Variants in PLCH2 observed in about 807,000 individuals in gnomAD.
PLCH2 encodes phospholipase C eta 2.
In PLCH2, 98 loss-of-function variants were observed where a neutral mutation model predicts 134.7. That is an observed-to-expected ratio of 0.73 (90% CI 0.62 to 0.86). The LOEUF (loss-of-function observed/expected upper bound fraction) is 0.86. PLCH2 is among the 40% of genes least tolerant of loss of function. PLCH2 has a pLI of 0.00. For synonymous variants in PLCH2, 974 were observed against 827.5 expected, an observed-to-expected ratio of 1.18 and a Z score of -3.04; for missense variants, 1,994 against 1,986.6, an observed-to-expected ratio of 1.00 and a Z score of -0.07.
intron 10 of PLCH2, 55 bp downstream of exon 10, chr1:2,489,922 A>T: frequency 7.9e-7 from 1 of 1,259,864 alleles, no homozygotes; most frequent in Non-Finnish European, 1.2e-6. Flanking sequence ...TCCCAAGAAC[A>T]GCTGTCCGTC....
intron 13 of PLCH2, 50 bp from the exon 14 acceptor site, chr1:2,496,557 C>G (rs747621868): frequency 1.3e-6 from 2 of 1,484,936 alleles, no homozygotes; most frequent in Non-Finnish European, 1.8e-6. Context: ...GAGCTGGGTG[C>G]CAGGCTGGCC....
upstream of PLCH2, chr1:2,467,413 C>A (rs1045171719): frequency 3.2e-4 from 125 of 386,290 alleles, no homozygotes; most frequent in Non-Finnish European, 7.7e-5. Flanking sequence ...GGGGCGGTCC[C>A]AGCGGCGGCC....
At position 2,448,734 on chromosome 1, in the gene PLCH2, C is replaced by T. The variant is rs1309422280; in HGVS notation, c.115+18105C>T. 2.6e-5 allele frequency among the ~76,000 whole-genome samples: 4 copies of T among 152,004 alleles called. No homozygotes were observed. The highest frequency in any genetic ancestry group is 9.7e-5 in the African/African-American group (4 of 41,378). ...AGCCTCCTGGCTCCCCACCATCCCC[C>T]CTGGTGCAGCCTCCTGGCTCCCCAC... is the stretch of plus-strand genomic sequence containing the variant. On this transcript the variant is annotated intron_variant, in intron 2 of 3. Transcript: ENST00000609981. The surrounding 1 kb of genome is among the most constrained non-coding windows in gnomAD (Gnocchi z 4.0).
At chr1:2,460,143 G>C (rs116385750) in intron 2 of PLCH2, among the ~76,000 whole-genome samples, 1 of 152,232 alleles carries the variant, frequency 6.6e-6, no homozygotes, top group Non-Finnish European at 1.5e-5. Flanking sequence ...GGAGGGGCCC[G>C]TGCCCCCATG....
intron 12 of PLCH2, 131 bp from the exon 13 acceptor site, chr1:2,495,357 C>A (rs1260277656): frequency 1.4e-5 from 10 of 706,948 alleles, no homozygotes; most frequent in Non-Finnish European, 2.4e-5. Flanking sequence ...CCCAGCCAGG[C>A]GGGATGGACA....
chr1:2,483,964 G>C (rs190789586), intron 4 of PLCH2, among the ~76,000 whole-genome samples: 2 of 106,270 alleles, frequency 1.9e-5, no homozygotes, highest in African/African-American at 4.1e-5. Flanking sequence ...CTCCCGTGTG[G>C]GGGGGCGCTG....
intron 9 of PLCH2, 65 bp downstream of exon 9, chr1:2,489,443 G>A: frequency 1.3e-6 from 2 of 1,531,678 alleles, no homozygotes; most frequent in Non-Finnish European, 1.8e-6. Flanking sequence ...GCAGTGCCCT[G>A]CTCCAGACAG....
rs560811127 is a variant in PLCH2, at chr1:2,495,414, C to T, written c.1753-74C>T. 50 of 1,322,228 alleles carry T rather than the reference C, an allele frequency of 3.8e-5. 4 individuals are homozygous for T. The South Asian group carries it at 5.8e-4, about 15-fold the overall frequency. 81.9% of individuals were successfully genotyped at this position (1,322,228 alleles called of 1,614,324 possible). The stretch of plus-strand genomic sequence containing the variant: ...GGGGACCCCGGAGGATAGGCCCTCC[C>T]CAACCCCCCAGCCTTCGCCAAGGCC... On this transcript the variant is annotated intron_variant, in intron 12 of 21. Transcript: ENST00000378486.
Position 2,504,095 on chromosome 1 carries a change from CT to C in PLCH2, c.3134del (p.Leu1045GlnfsTer46), listed in dbSNP as rs1332384030. 2.6e-6 allele frequency: 4 copies of C among 1,536,870 alleles called. No homozygotes were observed. The highest frequency in any genetic ancestry group is 1.4e-5 in the African/African-American group (1 of 72,214). On this transcript the variant is annotated frameshift_variant, in exon 22 of 22. Coordinates refer to ENST00000378486, the MANE Select transcript of PLCH2 (RefSeq NM_014638.4). LOFTEE classifies it high-confidence loss of function. ...TGPGANVASP[L>X]EDTEEPRDSR... is the part of the protein sequence containing the mutation. ...ACCCGGAGCCAATGTGGCAAGCCCC[CT>C]AGAGGACACTGAGGAGCCCCGAGAC...
chr1:2,482,078 C>G (rs1185219830), intron 4 of PLCH2, among the ~76,000 whole-genome samples: 1 of 152,270 alleles, frequency 6.6e-6, no homozygotes, highest in African/African-American at 2.4e-5. Flanking sequence ...GGCACCGAGG[C>G]AGGCTCAGCC....
chr1:2,496,978 C>T lies in PLCH2; in HGVS notation c.2084C>T (p.Pro695Leu), dbSNP rs779008733. The change falls in exon 15 of 22, where the codon CCG becomes CTG. Residue 695 changes from proline (P) to leucine (L), a missense_variant. Pro to Leu is a moderately conservative substitution (Grantham distance 98). Coordinates refer to ENST00000378486, the MANE Select transcript of PLCH2 (RefSeq NM_014638.4). The part of the protein sequence containing the change: ...SYRVDSSNYN[P>L]QPFWNAGCQM... ...CGTGTGGACTCCAGCAACTACAACC[C>T]GCAGCCCTTCTGGAACGCCGGCTGC... 2.0e-5 allele frequency: 32 copies of T among 1,613,196 alleles called. No homozygotes were observed. The highest frequency in any genetic ancestry group is 1.6e-4 in the Middle Eastern group (1 of 6,084).
chr1:2,467,645 G>A, exon 1 of PLCH2: 1 of 412,168 alleles, frequency 2.4e-6, no homozygotes, highest in Non-Finnish European at 4.3e-6. Flanking sequence ...CCCCCAGGTG[G>A]GCTCAGCCAA....
chr1:2,496,761 G>C, intron 14 of PLCH2, 57 bp downstream of exon 14: 1 of 1,611,010 alleles, frequency 6.2e-7, no homozygotes, highest in Non-Finnish European at 8.5e-7. Context: ...CCCCATCCCT[G>C]CTATGCTGCT....
Position 2,486,938 on chromosome 1 carries a change from A to G in PLCH2, c.848A>G (p.Asp283Gly), listed in dbSNP as rs769187070. The G allele has an allele frequency of 3.7e-6, 6 of 1,608,700 alleles. No individual in the cohort carries two copies. The Admixed American group carries it at 6.7e-5, about 18-fold the overall frequency. ...MAGVTLESCQ[D>G]IIEQFEPCPE... is the part of the protein sequence containing the mutation. ...GGTGTGACCCTCGAGAGCTGCCAGG[A>G]CATCATCGAGCAGTTTGAGCCATGC... is the stretch of plus-strand genomic sequence containing the variant. Residue 283 changes from aspartate (D) to glycine (G), a missense_variant, in exon 6 of 22, where the codon GAC becomes GGC. Physicochemically the swap from Asp to Gly is moderately conservative, Grantham distance 94. Coordinates refer to ENST00000378486, the MANE Select transcript of PLCH2 (RefSeq NM_014638.4).
At position 2,495,471 on chromosome 1, in the gene PLCH2, C is replaced by T. The variant is rs1457975556; in HGVS notation, c.1753-17C>T. On this transcript the variant is annotated splice_polypyrimidine_tract_variant and intron_variant, in intron 12 of 21. Coordinates refer to ENST00000378486, the MANE Select transcript of PLCH2 (RefSeq NM_014638.4). ...GGGCCAGAGGCCCTACAGCTCACAC[C>T]TCTGCCCCCCGCACAGAAGAAGGGC... is the stretch of plus-strand genomic sequence containing the variant. 3 of 1,550,122 alleles carry T rather than the reference C, an allele frequency of 1.9e-6. No individual in the cohort carries two copies. Among genetic ancestry groups the T allele is most frequent in the African/African-American group, 1.4e-5 (1 of 73,004 alleles).
Position 2,505,150 on chromosome 1 carries a change from C to T in PLCH2, c.4188C>T (p.Pro1396=). The T allele has an allele frequency of 8.3e-6, 13 of 1,563,382 alleles. No homozygotes were observed. The highest frequency in any genetic ancestry group is 1.0e-5 in the Non-Finnish European group (12 of 1,164,392). The part of the protein sequence containing the change: ...GHEGSVDAPA[P]SKGALGPASA... ...AGGGCAGTGTGGATGCACCAGCACC[C>T]TCCAAGGGAGCCCTCGGGCCAGCAT... The change falls in exon 22 of 22, where the codon CCC becomes CCT. Residue 1396 remains proline (P), a synonymous_variant. Coordinates refer to ENST00000378486, the MANE Select transcript of PLCH2 (RefSeq NM_014638.4).
At chr1:2,454,206 C>T (rs1640376174) in intron 2 of PLCH2, among the ~76,000 whole-genome samples, 1 of 152,206 alleles carries the variant, frequency 6.6e-6, no homozygotes. Context: ...ACTGCCTGTT[C>T]CCTTCCTGCC....
chr1:2,437,509 C>G (rs1020865679), intron 2 of PLCH2, among the ~76,000 whole-genome samples: 14 of 151,856 alleles, frequency 9.2e-5, no homozygotes, highest in African/African-American at 2.9e-4. Context: ...AACACCCTCC[C>G]GCCCACCATC....
At chr1:2,497,843 A>G (rs1642981113) in intron 16 of PLCH2, 1 of 496,150 alleles carries the variant, frequency 2.0e-6, no homozygotes, top group South Asian at 3.5e-5. Flanking sequence ...GAATCCAGGG[A>G]TGGAGAACTG....
Sources: allele counts gnomAD v4.1 joint callset (sites outside exome capture counted in the v4.1 genomes callset), GRCh38; gene constraint gnomAD v4.1.1; non-coding constraint Gnocchi (gnomAD v3.1); transcripts MANE v1.5; gene names NCBI Gene and HGNC (gene_info 2026-07-23, HGNC 2026-07-21).